Variants in ARHGEF7 observed in about 807,000 individuals in gnomAD.
ARHGEF7 encodes Rho guanine nucleotide exchange factor 7, also known as PAK-interacting exchange factor beta.
In ARHGEF7, 33 loss-of-function variants were observed where a neutral mutation model predicts 109.8. That is an observed-to-expected ratio of 0.30 (90% CI 0.23 to 0.40). ARHGEF7 has a LOEUF of 0.40. Ranked by LOEUF, ARHGEF7 falls within the 10% of genes least tolerant of loss-of-function variation. ARHGEF7 has a pLI of 1.00. For synonymous variants in ARHGEF7, 458 were observed against 424.6 expected, an observed-to-expected ratio of 1.08 and a Z score of -0.97; for missense variants, 938 against 1,098.5, an observed-to-expected ratio of 0.85 and a Z score of 2.07.
intron 2 of ARHGEF7, among the ~76,000 whole-genome samples, chr13:111,181,689 A>G (rs2078746092): frequency 6.6e-6 from 1 of 152,122 alleles, no homozygotes; most frequent in Admixed American, 6.5e-5. Flanking sequence ...GCATCATGGA[A>G]CAGTGCACTG....
chr13:111,290,993 TAC>T (rs1216195019), intron 18 of ARHGEF7, among the ~76,000 whole-genome samples: 1 of 152,264 alleles, frequency 6.6e-6, no homozygotes, highest in Non-Finnish European at 1.5e-5. Context: ...CTCTGTTCAA[TAC>T]ACACATTTGG....
At chr13:111,224,783 A>G (rs1038118227) in intron 5 of ARHGEF7, among the ~76,000 whole-genome samples, 4 of 152,220 alleles carry the variant, frequency 2.6e-5, no homozygotes, top group African/African-American at 9.6e-5. Context: ...GGGGAAAAGG[A>G]CAAAAGTACC....
chr13:111,134,755 C>G (rs1446955458), intron 1 of ARHGEF7, among the ~76,000 whole-genome samples: 2 of 152,148 alleles, frequency 1.3e-5, no homozygotes, highest in African/African-American at 2.4e-5. Flanking sequence ...CCTGTTCACT[C>G]TGATGGTAGT....
intron 1 of ARHGEF7, among the ~76,000 whole-genome samples, chr13:111,118,660 A>G (rs2066968632): frequency 6.6e-6 from 1 of 152,192 alleles, no homozygotes; most frequent in Admixed American, 6.5e-5. Flanking sequence ...AAACATCCCT[A>G]GGGTATTTAG....
chr13:111,264,329 G>T (rs1400963742), intron 8 of ARHGEF7, among the ~76,000 whole-genome samples: 1 of 152,212 alleles, frequency 6.6e-6, no homozygotes, highest in Non-Finnish European at 1.5e-5. Context: ...CGCAACTGAA[G>T]AACTGAATTT....
rs144115611 is a variant in ARHGEF7 at position 111,264,982 on chromosome 13, G to T, written c.951-2566G>T. The stretch of plus-strand genomic sequence containing the variant: ...TAGTCTAGAAGGGAAGGCCCAGCTG[G>T]GCATGGTGGTGCATGCCTGTAATCC... On this transcript the variant is annotated intron_variant, in intron 8 of 21. Transcript: ENST00000646102. Among the ~76,000 whole-genome samples, 108 of 152,002 alleles carry T rather than the reference G, an allele frequency of 7.1e-4. 1 individual carries two copies. In the East Asian group the frequency reaches 0.013, roughly 19 times the overall value.
intron 19 of ARHGEF7, among the ~76,000 whole-genome samples, chr13:111,298,565 C>T (rs1051146024): frequency 1.3e-5 from 2 of 152,258 alleles, no homozygotes; most frequent in Non-Finnish European, 2.9e-5. Flanking sequence ...CCGTCCTTGT[C>T]TCCTGGACCT....
chr13:111,303,702 A>G lies in ARHGEF7; in HGVS notation c.*589A>G, dbSNP rs2093612717. The stretch of plus-strand genomic sequence containing the variant: ...AGAGATACACTTCAGTCCCATTCAG[A>G]AGTCTTCTCTTAAAGCAGCATTACA... On this transcript the variant is annotated 3_prime_UTR_variant, in exon 22 of 22. Coordinates refer to ENST00000646102, the MANE Select transcript of ARHGEF7 (RefSeq NM_001354046.2). 1 of 152,234 alleles carries G rather than the reference A, an allele frequency of 6.6e-6. No individual in the cohort carries two copies. The highest frequency in any genetic ancestry group is 1.9e-4 in the East Asian group (1 of 5,188). The allele number at this position is 152,234 out of a possible 1,614,324, so 9.4% of individuals were successfully genotyped here.
At chr13:111,129,521 A>G (rs888247741) in intron 1 of ARHGEF7, among the ~76,000 whole-genome samples, 4 of 152,384 alleles carry the variant, frequency 2.6e-5, no homozygotes, top group African/African-American at 7.2e-5. Context: ...AAGAACTCTC[A>G]AAACTTAATA....
At chr13:111,296,929 T>C (rs1595620499) in intron 19 of ARHGEF7, among the ~76,000 whole-genome samples, 1 of 152,230 alleles carries the variant, frequency 6.6e-6, no homozygotes, top group East Asian at 1.9e-4. Flanking sequence ...CATGAATGTG[T>C]TCATCTCTGT....
chr13:111,189,848 G>C (rs1353817973), intron 2 of ARHGEF7, among the ~76,000 whole-genome samples: 1 of 152,196 alleles, frequency 6.6e-6, no homozygotes, highest in Non-Finnish European at 1.5e-5. Flanking sequence ...GCTAGACACA[G>C]AGTGCTTATT....
At chr13:111,270,260 A>G (rs1202950436) in intron 9 of ARHGEF7, among the ~76,000 whole-genome samples, 1 of 152,166 alleles carries the variant, frequency 6.6e-6, no homozygotes, top group Non-Finnish European at 1.5e-5. Flanking sequence ...CCATGCTTGC[A>G]TGTGTTTTGT....
Position 111,159,102 on chromosome 13 carries a change from T to A in ARHGEF7, c.252+5111T>A, listed in dbSNP as rs1370722633. 6 of 718,090 alleles carry A rather than the reference T, an allele frequency of 8.4e-6. No individual in the cohort carries two copies. The Admixed American group carries it at 1.2e-4, about 14-fold the overall frequency. 44.5% of individuals were successfully genotyped at this position (718,090 alleles called of 1,614,324 possible). A position where few individuals can be genotyped will look rare whatever the true frequency, so the allele number is the denominator to read the frequency against. On this transcript the variant is annotated intron_variant, in intron 2 of 21. Transcript: ENST00000646102. ...CTTGTCTGCTTCTGTGAGTTCAGCT[T>A]TTTTACACTTTACATATAGGTGAGA...
chr13:111,185,918 G>T (rs1363352443), intron 2 of ARHGEF7, among the ~76,000 whole-genome samples: 3 of 151,128 alleles, frequency 2.0e-5, no homozygotes, highest in Admixed American at 2.0e-4. Context: ...CTCCGATCTT[G>T]GTTCTGCCTT....
intron 1 of ARHGEF7, among the ~76,000 whole-genome samples, chr13:111,133,728 G>A (rs566092933): frequency 6.5e-5 from 9 of 138,702 alleles, no homozygotes; most frequent in African/African-American, 1.1e-4. Flanking sequence ...TCCTGATTTC[G>A]TAGGACTGGG....
intron 2 of ARHGEF7, among the ~76,000 whole-genome samples, chr13:111,191,854 TAGAA>T (rs1203312625): frequency 6.6e-6 from 1 of 152,054 alleles, no homozygotes; most frequent in East Asian, 1.9e-4. Flanking sequence ...GGAAGGAAGA[TAGAA>T]AGAAGGTTGA....
At chr13:111,282,941 C>G in intron 15 of ARHGEF7, 198 bp from the exon 16 acceptor site, 1 of 782,202 alleles carries the variant, frequency 1.3e-6, no homozygotes, top group Non-Finnish European at 2.0e-6. Context: ...GCCCCACGCT[C>G]GGCCCAGGTG....
chr13:111,297,527 T>A (rs1170043952), intron 19 of ARHGEF7, among the ~76,000 whole-genome samples: 1 of 152,250 alleles, frequency 6.6e-6, no homozygotes, highest in Non-Finnish European at 1.5e-5. Context: ...CTTTTACCTT[T>A]ATGACTTCAT....
chr13:111,154,578 T>C (rs892322834), intron 2 of ARHGEF7, among the ~76,000 whole-genome samples: 23 of 152,220 alleles, frequency 1.5e-4, no homozygotes, highest in African/African-American at 5.1e-4. Context: ...TTAACCAGTA[T>C]GTGACGTTTA....
Sources: allele counts gnomAD v4.1 joint callset (sites outside exome capture counted in the v4.1 genomes callset), GRCh38; gene constraint gnomAD v4.1.1; transcripts MANE v1.5; gene names NCBI Gene and HGNC (gene_info 2026-07-23, HGNC 2026-07-21).